ZBTB6: variants seen among roughly 807,000 people sequenced by gnomAD.
ZBTB6 encodes zinc finger and BTB domain-containing protein 6.
A neutral mutation model predicts 30.6 loss-of-function variants in ZBTB6; 11 were observed. The ratio of observed to expected loss-of-function variants is 0.36; its 90% CI spans 0.23 to 0.60. The LOEUF is 0.60. Among genes scored for constraint, ZBTB6 ranks in the 20% least tolerant of loss-of-function variants. ZBTB6 has a pLI of 0.75. For synonymous variants in ZBTB6, 174 were observed against 172.0 expected (o/e 1.01, Z -0.09); for missense variants, 380 against 489.4 (o/e 0.78, Z 2.11).
rs1832934417 is a variant in ZBTB6 at position 122,909,674 on chromosome 9, T to A, written c.*1124A>T. 6.6e-6 allele frequency: 1 copy of A among 152,240 alleles called. No individual in the cohort carries two copies. The highest frequency in any genetic ancestry group is 2.1e-4 in the South Asian group (1 of 4,836). 9.4% of individuals were successfully genotyped at this position (152,240 alleles called of 1,614,324 possible). The stretch of plus-strand genomic sequence containing the variant: ...ATTGCTCATCTAGTAACAGCTAGAA[T>A]ATATATTGCCAATTCAAAATTTAAA... On this transcript the variant is annotated 3_prime_UTR_variant, in exon 2 of 2. Coordinates refer to ENST00000373659, the MANE Select transcript of ZBTB6 (RefSeq NM_006626.6).
chr9:122,911,160 T>TG lies in ZBTB6; in HGVS notation c.912dup (p.Arg305GlnfsTer10). 6.2e-7 allele frequency: 1 copy of TG among 1,614,206 alleles called. No homozygotes were observed. ...ACATGAAGAAAGCCTCGAGGACACCTGGGGCACTGGTGCCTCAGTGAATAA... is the reference window on the plus strand; with the variant it reads ...ACATGAAGAAAGCCTCGAGGACACCTGGGGGCACTGGTGCCTCAGTGAATAA... On this transcript the variant is annotated frameshift_variant, in exon 2 of 2. Transcript: ENST00000373659. LOFTEE classifies it high-confidence loss of function. This position sits in a 1 kb window ranked among gnomAD's most constrained non-coding sequence, Gnocchi z 4.5.
At position 122,911,775 on chromosome 9, in the gene ZBTB6, G is replaced by A; in HGVS notation, c.298C>T (p.Leu100Phe). ...CTGGCAGCAGTCAAGTATTTCAAAA[G>A]CTCTTTCCTTTTAACTTCAAGTGCT... Reference protein sequence around the residue: ...TGALEVKRKELLKYLTAASYL... With the variant: ...TGALEVKRKEFLKYLTAASYL... The change falls in exon 2 of 2, where the codon CTT becomes TTT. Residue 100 changes from leucine to phenylalanine, a missense_variant. Leu to Phe is a conservative substitution (Grantham distance 22). Transcript: ENST00000373659. This position sits in a 1 kb window ranked among gnomAD's most constrained non-coding sequence, Gnocchi z 4.5. The A allele has an allele frequency of 6.2e-7, 1 of 1,614,196 alleles. No individual in the cohort carries two copies. The highest frequency in any genetic ancestry group is 2.2e-5 in the East Asian group (1 of 44,882).
Position 122,910,117 on chromosome 9 carries a change from C to T in ZBTB6, c.*681G>A, listed in dbSNP as rs1832937613. The T allele has an allele frequency of 6.6e-6, 1 of 152,130 alleles. No homozygotes were observed. The highest frequency in any genetic ancestry group is 2.1e-4 in the South Asian group (1 of 4,824). The allele number at this position is 152,130 out of a possible 1,614,324, so 9.4% of individuals were successfully genotyped here. A position where few individuals can be genotyped will look rare whatever the true frequency, so the allele number is the denominator to read the frequency against. ...TTACTGGCCACAAAATTATTAAATC[C>T]GATTGTATTAAATAAAATCAAGAAA... On this transcript the variant is annotated 3_prime_UTR_variant, in exon 2 of 2. Transcript: ENST00000373659.
Position 122,910,645 on chromosome 9 carries a change from C to A in ZBTB6, c.*153G>T. 1.3e-6 allele frequency: 1 copy of A among 757,462 alleles called. No individual in the cohort carries two copies. Among genetic ancestry groups the A allele is most frequent in the East Asian group, 2.7e-5 (1 of 36,780 alleles). 46.9% of individuals were successfully genotyped at this position (757,462 alleles called of 1,614,324 possible). A position where few individuals can be genotyped will look rare whatever the true frequency, so the allele number is the denominator to read the frequency against. On this transcript the variant is annotated 3_prime_UTR_variant, in exon 2 of 2. Transcript: ENST00000373659. ...TACTGTGCCTCCCATAACTTTGGAA[C>A]TGTTAGAAGTTCAGAAAGAATGATT... is the stretch of plus-strand genomic sequence containing the variant.
rs934199319 is a variant in ZBTB6, at chr9:122,911,883, G to A, written c.190C>T (p.Leu64Phe). Residue 64 changes from leucine to phenylalanine, a missense_variant, in exon 2 of 2, where the codon CTC becomes TTC. By Grantham distance (22) the Leu-to-Phe change is conservative. Transcript: ENST00000373659. This position sits in a 1 kb window ranked among gnomAD's most constrained non-coding sequence, Gnocchi z 4.5. ...CSTFMRDQFLLTQSKHVRITI... is the reference protein window; with the variant it reads ...CSTFMRDQFLFTQSKHVRITI... ...ATTCTGACATGTTTTGACTGTGTGA[G>A]TAAAAACTGATCTCTCATAAAAGTG... 6.2e-7 allele frequency: 1 copy of A among 1,614,206 alleles called. No homozygotes were observed. Among genetic ancestry groups the A allele is most frequent in the Non-Finnish European group, 8.5e-7 (1 of 1,180,036 alleles).
At position 122,912,928 on chromosome 9, in the gene ZBTB6, C is replaced by T. The variant is rs190083272; in HGVS notation, c.-10+323G>A. On this transcript the variant is annotated intron_variant, in intron 1 of 1. Coordinates refer to ENST00000373659, the MANE Select transcript of ZBTB6 (RefSeq NM_006626.6). ...CCCAAATCAAGTAAAACTAATATGA[C>T]TCCACCTCCCGTTTCAACCAGAGAG... Among the ~76,000 whole-genome samples, 8 of 152,328 alleles carry T rather than the reference C, an allele frequency of 5.3e-5. No individual in the cohort carries two copies. In the East Asian group the frequency reaches 1.5e-3, roughly 29 times the overall value.
Position 122,911,557 on chromosome 9 carries a change from T to A in ZBTB6, c.516A>T (p.Val172=), listed in dbSNP as rs773168525. 4 of 1,614,000 alleles carry A rather than the reference T, an allele frequency of 2.5e-6. No individual in the cohort carries two copies. Among genetic ancestry groups the A allele is most frequent in the Non-Finnish European group, 2.5e-6 (3 of 1,180,038 alleles). Residue 172 remains valine, a synonymous_variant, in exon 2 of 2, where the codon GTA becomes GTT. Transcript: ENST00000373659. This position sits in a 1 kb window ranked among gnomAD's most constrained non-coding sequence, Gnocchi z 4.5. ...EIIEISEDSP[V]NIDFHVKEEE... is the part of the protein sequence containing the mutation. ...CTTCTTTAACATGGAAATCTATGTT[T>A]ACAGGACTATCTTCTGAAATTTCAA...
chr9:122,911,783 C>T lies in ZBTB6; in HGVS notation c.290G>A (p.Arg97Lys), dbSNP rs1326853892. ...SCYTGALEVK[R>K]KELLKYLTAA... The stretch of plus-strand genomic sequence containing the variant: ...AGTCAAGTATTTCAAAAGCTCTTTC[C>T]TTTTAACTTCAAGTGCTCCAGTATA... Residue 97 changes from arginine (R) to lysine (K), a missense_variant, in exon 2 of 2, where the codon AGG becomes AAG. By Grantham distance (26) the Arg-to-Lys change is conservative. Coordinates refer to ENST00000373659, the MANE Select transcript of ZBTB6 (RefSeq NM_006626.6). This position sits in a 1 kb window ranked among gnomAD's most constrained non-coding sequence, Gnocchi z 4.5. 5.6e-6 allele frequency: 9 copies of T among 1,614,026 alleles called. No homozygotes were observed. Among genetic ancestry groups the T allele is most frequent in the Admixed American group, 3.3e-5 (2 of 59,990 alleles).
chr9:122,912,332 G>GT lies in ZBTB6; in HGVS notation c.-9-252dup, dbSNP rs1300889494. On this transcript the variant is annotated intron_variant, in intron 1 of 1. Coordinates refer to ENST00000373659, the MANE Select transcript of ZBTB6 (RefSeq NM_006626.6). ...TCATTACAATGAATTGTAGTGAACA[G>GT]TTTCTAGCTTGTTTCTTTTGCTAAA... Among the ~76,000 whole-genome samples the GT allele has an allele frequency of 2.6e-5, 4 of 152,250 alleles. No individual in the cohort carries two copies. In the East Asian group the frequency reaches 7.7e-4, roughly 29 times the overall value.
At chr9:122,913,219 C>G in intron 1 of ZBTB6, 32 bp downstream of exon 1, 2 of 978,444 alleles carry the variant, frequency 2.0e-6, no homozygotes, top group South Asian at 4.7e-5. Context: ...CAGGCACCCT[C>G]CACCTGAGGA....
chr9:122,910,901 A>G lies in ZBTB6; in HGVS notation c.1172T>C (p.Phe391Ser). The change falls in exon 2 of 2, where the codon TTC becomes TCC. Residue 391 changes from phenylalanine (F) to serine (S), a missense_variant. Physicochemically the swap from Phe to Ser is radical, Grantham distance 155. Transcript: ENST00000373659. ...CTTTTTGAGAGCAGACTTGTGCTTGAAATCCATATCACAACAGTGGCATTT... is the reference window on the plus strand; with the variant it reads ...CTTTTTGAGAGCAGACTTGTGCTTGGAATCCATATCACAACAGTGGCATTT... The part of the protein sequence containing the change: ...PYKCHCCDMD[F>S]KHKSALKKHL... 1 of 1,614,220 alleles carries G rather than the reference A, an allele frequency of 6.2e-7. No individual in the cohort carries two copies. The highest frequency in any genetic ancestry group is 8.5e-7 in the Non-Finnish European group (1 of 1,180,028).
rs753144919 is a variant in ZBTB6 at position 122,908,097 on chromosome 9, T to G, written c.*2701A>C. ...GTTTATTATTTCTTATGTAAACATG[T>G]AAGATAGTTACATCCCAGGAAAAAG... On this transcript the variant is annotated 3_prime_UTR_variant, in exon 2 of 2. Transcript: ENST00000373659. 2.6e-5 allele frequency: 4 copies of G among 152,246 alleles called. No homozygotes were observed. Among genetic ancestry groups the G allele is most frequent in the Non-Finnish European group, 5.9e-5 (4 of 68,040 alleles). The allele number at this position is 152,246 out of a possible 1,614,324, so 9.4% of individuals were successfully genotyped here.
Position 122,908,339 on chromosome 9 carries a change from TATC to T in ZBTB6, c.*2456_*2458del, listed in dbSNP as rs1832922014. ...CCATTTTCCTGAAAATTTTTAGACA[TATC>T]ATGCAAACAGACACTCTCCTAGGAA... is the stretch of plus-strand genomic sequence containing the variant. On this transcript the variant is annotated 3_prime_UTR_variant, in exon 2 of 2. Transcript: ENST00000373659. 1 of 152,622 alleles carries T rather than the reference TATC, an allele frequency of 6.6e-6. No individual in the cohort carries two copies. Among genetic ancestry groups the T allele is most frequent in the African/African-American group, 2.4e-5 (1 of 41,568 alleles). 9.5% of individuals were successfully genotyped at this position (152,622 alleles called of 1,614,324 possible).
At position 122,910,918 on chromosome 9, in the gene ZBTB6, G is replaced by A. The variant is rs1023881948; in HGVS notation, c.1155C>T (p.His385=). 6.2e-7 allele frequency: 1 copy of A among 1,614,032 alleles called. No individual in the cohort carries two copies. The highest frequency in any genetic ancestry group is 1.3e-5 in the African/African-American group (1 of 74,908). Residue 385 remains histidine (H), a synonymous_variant, in exon 2 of 2, where the codon CAC becomes CAT. Coordinates refer to ENST00000373659, the MANE Select transcript of ZBTB6 (RefSeq NM_006626.6). ...IHSGDRPYKC[H]CCDMDFKHKS... Reference sequence around the variant, plus strand: ...TGTGCTTGAAATCCATATCACAACAGTGGCATTTGTATGGCCGATCCCCAC... The same window carrying A: ...TGTGCTTGAAATCCATATCACAACAATGGCATTTGTATGGCCGATCCCCAC...
Position 122,908,196 on chromosome 9 carries a change from A to C in ZBTB6, c.*2602T>G, listed in dbSNP as rs1327652816. 1 of 152,250 alleles carries C rather than the reference A, an allele frequency of 6.6e-6. No homozygotes were observed. The highest frequency in any genetic ancestry group is 1.5e-5 in the Non-Finnish European group (1 of 68,040). The allele number at this position is 152,250 out of a possible 1,614,324, so 9.4% of individuals were successfully genotyped here. ...CTTTTATATGTAAATGGAGTAAATG[A>C]AGAGGCTGAACTCAAACACTTTTCA... On this transcript the variant is annotated 3_prime_UTR_variant, in exon 2 of 2. Coordinates refer to ENST00000373659, the MANE Select transcript of ZBTB6 (RefSeq NM_006626.6).
rs1296700552 is a variant in ZBTB6 at position 122,910,672 on chromosome 9, T to C, written c.*126A>G. 1.3e-5 allele frequency: 13 copies of C among 969,584 alleles called. No individual in the cohort carries two copies. The Admixed American group carries it at 1.4e-4, about 11-fold the overall frequency. The allele number at this position is 969,584 out of a possible 1,614,324, so 60.1% of individuals were successfully genotyped here. ...GTTAGAAGTTCAGAAAGAATGATTA[T>C]GTGTAAGCCGACAAAATATAAGAAA... On this transcript the variant is annotated 3_prime_UTR_variant, in exon 2 of 2. Transcript: ENST00000373659.
rs1445710759 is a variant in ZBTB6, at chr9:122,909,262, C to T, written c.*1536G>A. On this transcript the variant is annotated 3_prime_UTR_variant, in exon 2 of 2. Coordinates refer to ENST00000373659, the MANE Select transcript of ZBTB6 (RefSeq NM_006626.6). ...GAAGGGCTTCAATAGAAATTAAATA[C>T]AGTAGAAATTCTACATAAAGCTAAG... The T allele has an allele frequency of 6.6e-6, 1 of 152,152 alleles. No homozygotes were observed. The highest frequency in any genetic ancestry group is 1.5e-5 in the Non-Finnish European group (1 of 68,010). 9.4% of individuals were successfully genotyped at this position (152,152 alleles called of 1,614,324 possible).
chr9:122,912,799 T>C (rs1832966780), intron 1 of ZBTB6, among the ~76,000 whole-genome samples: 1 of 152,218 alleles, frequency 6.6e-6, no homozygotes, highest in Admixed American at 6.5e-5. Context: ...CCTCGTTCAA[T>C]ACTAAATTTT....
At position 122,910,975 on chromosome 9, in the gene ZBTB6, T is replaced by C. The variant is rs1427937422; in HGVS notation, c.1098A>G (p.Lys366=). The change falls in exon 2 of 2, where the codon AAA becomes AAG. Residue 366 remains lysine, a synonymous_variant. Transcript: ENST00000373659. ...TGTTCAAGTGGTCCTGAAGTGTGCT[T>C]TTGGCAGTAAATGTCTTCAAGCACA... ...CTVCLKTFTA[K]STLQDHLNIH... The C allele has an allele frequency of 3.1e-6, 5 of 1,614,092 alleles. No homozygotes were observed. The Admixed American group carries it at 8.3e-5, about 27-fold the overall frequency.
Sources: gnomAD v4.1 joint callset for allele counts (sites outside exome capture counted in the v4.1 genomes callset) on GRCh38, gnomAD v4.1.1 for gene constraint, Gnocchi (gnomAD v3.1) non-coding constraint, MANE v1.5 for transcripts, NCBI Gene and HGNC (gene_info 2026-07-23, HGNC 2026-07-21) for gene names.